The following MKLN1 variants were observed in gnomAD, a reference collection of about 807,000 sequenced individuals.
The protein encoded by MKLN1 is muskelin 1, also known as muskelin.
In MKLN1, 18 loss-of-function variants were observed where a neutral mutation model predicts 99.0. The observed-to-expected ratio is 0.18, with a 90% CI of 0.13 to 0.27. The LOEUF is 0.27. MKLN1 is among the 10% of genes least tolerant of loss of function. MKLN1 has a pLI of 1.00. For synonymous variants in MKLN1, 288 were observed against 293.2 expected, an observed-to-expected ratio of 0.98 and a Z score of 0.18; for missense variants, 621 against 875.9, an observed-to-expected ratio of 0.71 and a Z score of 3.67.
chr7:131,392,661 A>G lies in MKLN1; in HGVS notation c.400+3689A>G, dbSNP rs550231587. 2.6e-3 allele frequency among the ~76,000 whole-genome samples: 384 copies of G among 150,078 alleles called. 3 individuals carry two copies. The highest frequency in any genetic ancestry group is 8.8e-3 in the African/African-American group (359 of 40,756). On this transcript the variant is annotated intron_variant, in intron 4 of 17. Transcript: ENST00000352689. Reference sequence around the variant, plus strand: ...CTCTTGTTGCCTAGGCTGGAGTGCAATGGCACAATCTCGGCTCACCACAAC... The same window carrying G: ...CTCTTGTTGCCTAGGCTGGAGTGCAGTGGCACAATCTCGGCTCACCACAAC...
intron 3 of MKLN1, among the ~76,000 whole-genome samples, chr7:131,265,166 C>T (rs1002853472): frequency 1.3e-5 from 2 of 152,098 alleles, no homozygotes; most frequent in African/African-American, 4.8e-5. Flanking sequence ...AAGATTCTGA[C>T]TTCACTTGGG....
chr7:131,402,400 T>G (rs1311948175), intron 6 of MKLN1, among the ~76,000 whole-genome samples: 2 of 152,220 alleles, frequency 1.3e-5, no homozygotes, highest in African/African-American at 4.8e-5. Flanking sequence ...TCTGAAGCCT[T>G]TAACACTTTC....
chr7:131,433,567 C>T (rs2116452749), intron 9 of MKLN1, among the ~76,000 whole-genome samples: 1 of 152,262 alleles, frequency 6.6e-6, no homozygotes, highest in African/African-American at 2.4e-5. Context: ...TTATACTTTG[C>T]CTGCAATGTA....
chr7:131,218,724 G>C (rs917915712), intron 3 of MKLN1, among the ~76,000 whole-genome samples: 3 of 152,260 alleles, frequency 2.0e-5, no homozygotes, highest in South Asian at 4.1e-4. Flanking sequence ...ACATGATGCC[G>C]AGTGAAATAA....
rs550977388 is a variant in MKLN1, at chr7:131,291,101, T to TTTTATTTTTTTTA, written c.-178-84316_-178-84315insTTTTTATTTATTT. ...ATGCTTTTCCTTTTATCTCATTTTA[T>TTTTATTTTTTTTA]TTTATTTATTTATTTATTTATTTAT... is the stretch of plus-strand genomic sequence containing the variant. On this transcript the variant is annotated intron_variant, in intron 3 of 7. Coordinates refer to the MKLN1 transcript ENST00000416992. 1.0e-4 allele frequency among the ~76,000 whole-genome samples: 14 copies of TTTTATTTTTTTTA among 134,866 alleles called. No homozygotes were observed. In the East Asian group the frequency reaches 1.7e-3, roughly 17 times the overall value. 88.5% of individuals were successfully genotyped at this position (134,866 alleles called of 152,430 possible).
intron 12 of MKLN1, among the ~76,000 whole-genome samples, chr7:131,458,690 T>G (rs556307629): frequency 6.6e-6 from 1 of 152,184 alleles, no homozygotes; most frequent in Non-Finnish European, 1.5e-5. Flanking sequence ...TGTTGGAATA[T>G]CTCCTTAAAG....
At position 131,113,169 on chromosome 7, in the gene MKLN1, G is replaced by A. The variant is rs142131989; in HGVS notation, c.-419+2962G>A. Among the ~76,000 whole-genome samples, 317 of 152,304 alleles carry A rather than the reference G, an allele frequency of 2.1e-3. 1 individual carries two copies. The highest frequency in any genetic ancestry group is 6.9e-3 in the African/African-American group (287 of 41,550). On this transcript the variant is annotated intron_variant, in intron 1 of 7. Coordinates refer to the MKLN1 transcript ENST00000416992. The stretch of plus-strand genomic sequence containing the variant: ...AAGAATGGTGCCTAACCCTGACCAC[G>A]CATAGGGTCTCTAACCACACAAGGT...
intron 13 of MKLN1, among the ~76,000 whole-genome samples, chr7:131,463,908 T>G (rs1391772981): frequency 6.6e-6 from 1 of 152,240 alleles, no homozygotes; most frequent in Non-Finnish European, 1.5e-5. Context: ...TGGGGAATAG[T>G]GCTCTGCAGC....
intron 1 of MKLN1, among the ~76,000 whole-genome samples, chr7:131,120,045 C>T (rs1032878375): frequency 1.6e-4 from 24 of 151,782 alleles, no homozygotes; most frequent in South Asian, 1.0e-3. Context: ...TTGGCAGGCG[C>T]CTGTAGTCCC....
At chr7:131,431,227 A>G (rs1219798183) in intron 9 of MKLN1, among the ~76,000 whole-genome samples, 1 of 148,986 alleles carries the variant, frequency 6.7e-6, no homozygotes, top group African/African-American at 2.4e-5. Flanking sequence ...GTCTCAAAAA[A>G]AAACAAAAAA....
At chr7:131,416,617 T>G (rs567822112) in intron 8 of MKLN1, among the ~76,000 whole-genome samples, 2 of 152,122 alleles carry the variant, frequency 1.3e-5, no homozygotes, top group South Asian at 2.1e-4. Context: ...ATATTTTTGT[T>G]TTATGCATTA....
chr7:131,321,131 T>A (rs1172213036), intron 3 of MKLN1, among the ~76,000 whole-genome samples: 3 of 152,184 alleles, frequency 2.0e-5, no homozygotes, highest in African/African-American at 7.2e-5. Flanking sequence ...CACATGCACA[T>A]GTGTGTTTGC....
intron 4 of MKLN1, among the ~76,000 whole-genome samples, chr7:131,394,023 A>C (rs1375222972): frequency 6.6e-6 from 1 of 151,988 alleles, no homozygotes; most frequent in Non-Finnish European, 1.5e-5. Context: ...TTTAGTTTAG[A>C]ATCATTATTT....
rs188586339 is a variant in MKLN1, at chr7:131,144,211, G to A, written c.-297+1270G>A. ...TATTTTAAAAGTTTTTCTTTTGGCC[G>A]GGCTCAGTGGCTCACACCTATAATC... On this transcript the variant is annotated intron_variant, in intron 2 of 7. Transcript: ENST00000416992. 1.6e-3 allele frequency among the ~76,000 whole-genome samples: 245 copies of A among 152,056 alleles called. 2 individuals carry two copies. The highest frequency in any genetic ancestry group is 5.2e-3 in the African/African-American group (216 of 41,466).
At chr7:131,393,909 A>G (rs1186539605) in intron 4 of MKLN1, among the ~76,000 whole-genome samples, 2 of 152,120 alleles carry the variant, frequency 1.3e-5, no homozygotes, top group Non-Finnish European at 2.9e-5. Flanking sequence ...TACAGACATG[A>G]GCCACTGCAC....
In MKLN1 at chr7:131,445,807, C is replaced by T; in HGVS notation, c.1429C>T (p.Arg477Ter). ...NRCLYVFGGQ[R>*]SKTYLNDFFS... ...TTGCTTATATGTATTTGGTGGCCAG[C>T]GATCAAAGACCTATTTGAATGATTT... Residue 477 changes from arginine to a stop codon, truncating the protein, a stop_gained, in exon 12 of 18, where the codon CGA becomes TGA. Coordinates refer to ENST00000352689, the MANE Select transcript of MKLN1 (RefSeq NM_013255.5). LOFTEE classifies it high-confidence loss of function. 3 of 1,602,478 alleles carry T rather than the reference C, an allele frequency of 1.9e-6. No individual in the cohort carries two copies. The highest frequency in any genetic ancestry group is 1.7e-6 in the Non-Finnish European group (2 of 1,173,824).
rs1027084905 is a variant in MKLN1, at chr7:131,247,929, C to T, written c.-179+44955C>T. ...CGTGTGTGTGTTTGAGACAGGGTCTCACTCTGTCACCCAGATTGGAGTGCA... is the reference window on the plus strand; with the variant it reads ...CGTGTGTGTGTTTGAGACAGGGTCTTACTCTGTCACCCAGATTGGAGTGCA... On this transcript the variant is annotated intron_variant, in intron 3 of 7. Transcript: ENST00000416992. Among the ~76,000 whole-genome samples, 9 of 149,384 alleles carry T rather than the reference C, an allele frequency of 6.0e-5. 1 individual carries two copies. The highest frequency in any genetic ancestry group is 6.0e-4 in the Admixed American group (9 of 14,992).
intron 1 of MKLN1, among the ~76,000 whole-genome samples, chr7:131,137,978 T>C (rs1795676162): frequency 6.9e-6 from 1 of 144,802 alleles, no homozygotes. Flanking sequence ...CAGGCTGGAG[T>C]GCAATGGCGT....
At chr7:131,483,274 A>G (rs887498628) in intron 17 of MKLN1, among the ~76,000 whole-genome samples, 8 of 152,312 alleles carry the variant, frequency 5.3e-5, no homozygotes, top group South Asian at 2.1e-4. Flanking sequence ...TTGATTACAT[A>G]TAAAGCTTAG....
Sources: gnomAD v4.1 joint callset for allele counts (sites outside exome capture counted in the v4.1 genomes callset) on GRCh38, gnomAD v4.1.1 for gene constraint, MANE v1.5 for transcripts, NCBI Gene and HGNC (gene_info 2026-07-23, HGNC 2026-07-21) for gene names.